MYO5A: variants seen among roughly 807,000 people sequenced by gnomAD.
The protein encoded by MYO5A is myosin VA.
Under a neutral mutation model 249.7 loss-of-function variants are expected in MYO5A, and 98 were observed. That is an observed-to-expected ratio of 0.39 (90% CI 0.33 to 0.46). The LOEUF is 0.46. MYO5A is among the 20% of genes least tolerant of loss of function. The pLI is 0.98. For missense variants in MYO5A, 1,696 were observed against 2,308.8 expected (o/e 0.73, Z 5.44); for synonymous variants, 778 against 810.6 (o/e 0.96, Z 0.68).
At chr15:52,519,848 G>C (rs1044251230) in intron 1 of MYO5A, among the ~76,000 whole-genome samples, 1 of 151,294 alleles carries the variant, frequency 6.6e-6, no homozygotes, top group Non-Finnish European at 1.5e-5. Flanking sequence ...CTCCTGCCTC[G>C]GCCTCCTGAG....
intron 29 of MYO5A, among the ~76,000 whole-genome samples, chr15:52,347,039 T>C (rs1375500580): frequency 1.3e-5 from 2 of 152,056 alleles, no homozygotes; most frequent in South Asian, 2.1e-4. Context: ...TCCTCTAGTA[T>C]AACATAACAT....
intron 1 of MYO5A, among the ~76,000 whole-genome samples, chr15:52,437,594 CAAAAAAAA>C (rs57299562): frequency 1.4e-4 from 10 of 73,910 alleles, no homozygotes; most frequent in African/African-American, 5.0e-4. Context: ...GACTCCATCT[CAAAAAAAA>C]AAAAAAAAAA....
At chr15:52,472,128 G>C (rs1033850405) in intron 1 of MYO5A, among the ~76,000 whole-genome samples, 1 of 151,164 alleles carries the variant, frequency 6.6e-6, no homozygotes, top group South Asian at 2.1e-4. Context: ...GCCCAGGCTG[G>C]AGTGCAGTGG....
At chr15:52,328,794 A>G (rs2038734049) in intron 35 of MYO5A, among the ~76,000 whole-genome samples, 1 of 151,818 alleles carries the variant, frequency 6.6e-6, no homozygotes, top group African/African-American at 2.4e-5. Context: ...ACTCCAGCTC[A>G]CTCTGCTCCA....
chr15:52,441,419 C>T (rs2075783784), intron 1 of MYO5A, among the ~76,000 whole-genome samples: 1 of 152,080 alleles, frequency 6.6e-6, no homozygotes, highest in South Asian at 2.1e-4. Flanking sequence ...ATAAGTAGAA[C>T]ACTACTTACG....
intron 4 of MYO5A, among the ~76,000 whole-genome samples, chr15:52,420,351 C>A (rs1219746997): frequency 3.3e-5 from 5 of 151,168 alleles, no homozygotes; most frequent in Non-Finnish European, 5.9e-5. Flanking sequence ...GCTCTGCCCT[C>A]ATGGATGGAT....
intron 23 of MYO5A, among the ~76,000 whole-genome samples, chr15:52,366,096 A>T (rs2040792615): frequency 6.6e-6 from 1 of 152,144 alleles, no homozygotes; most frequent in East Asian, 1.9e-4. Context: ...CACAGTTTTA[A>T]TGGGTATCTT....
At chr15:52,359,150 G>A (rs764398734) in intron 25 of MYO5A, among the ~76,000 whole-genome samples, 1 of 152,166 alleles carries the variant, frequency 6.6e-6, no homozygotes, top group Non-Finnish European at 1.5e-5. Context: ...TGAGATGGCA[G>A]AAACTTCATT....
chr15:52,373,954 AAAAT>A (rs10692704), intron 20 of MYO5A, among the ~76,000 whole-genome samples: 71,539 of 148,086 alleles, frequency 0.48, 20,575 homozygotes, highest in Non-Finnish European at 0.63. Flanking sequence ...ACTTCAAATA[AAAAT>A]AAATAAATAA....
At chr15:52,450,843 G>GTTTTTTGTTTTTTTTTTTTT (rs769982056) in intron 1 of MYO5A, among the ~76,000 whole-genome samples, 1 of 84,590 alleles carries the variant, frequency 1.2e-5, no homozygotes, top group African/African-American at 5.0e-5. Context: ...CACTACTGTG[G>GTTTTTTGTTTTTTTTTTTTT]TTTTTTTTTT....
chr15:52,424,377 C>G (rs926401541), intron 4 of MYO5A, among the ~76,000 whole-genome samples: 2 of 152,140 alleles, frequency 1.3e-5, no homozygotes, highest in African/African-American at 4.8e-5. Flanking sequence ...AAAAGTTACA[C>G]AACTTCTCTG....
intron 34 of MYO5A, among the ~76,000 whole-genome samples, chr15:52,332,622 T>C (rs2038941321): frequency 6.6e-6 from 1 of 152,190 alleles, no homozygotes; most frequent in Non-Finnish European, 1.5e-5. Context: ...AATTTAGATG[T>C]CAGTTCAACA....
At chr15:52,459,490 G>C (rs1268535533) in intron 1 of MYO5A, among the ~76,000 whole-genome samples, 1 of 152,098 alleles carries the variant, frequency 6.6e-6, no homozygotes. Flanking sequence ...TTGGCGGTAA[G>C]GTTATAGATT....
intron 34 of MYO5A, 40 bp downstream of exon 34, chr15:52,336,418 TCAAAC>T (rs1232657482): frequency 7.5e-7 from 1 of 1,329,226 alleles, no homozygotes; most frequent in Middle Eastern, 1.8e-4. Context: ...AAGCCAAGAC[TCAAAC>T]CAAGACTCAG....
chr15:52,528,611 G>A (rs2077767596), intron 1 of MYO5A, among the ~76,000 whole-genome samples, 169 bp downstream of exon 1: 1 of 152,238 alleles, frequency 6.6e-6, no homozygotes, highest in Non-Finnish European at 1.5e-5. Flanking sequence ...AAAGAGGAAG[G>A]TGCCGCAGCG....
chr15:52,409,847 GT>G (rs61066742), intron 6 of MYO5A, among the ~76,000 whole-genome samples: 73,030 of 151,766 alleles, frequency 0.48, 20,852 homozygotes, highest in Non-Finnish European at 0.63. Flanking sequence ...TGCATCAACT[GT>G]TTTTTTGATA....
chr15:52,336,291 T>C (rs1233233579), intron 34 of MYO5A, among the ~76,000 whole-genome samples, 172 bp downstream of exon 34: 7 of 152,180 alleles, frequency 4.6e-5, no homozygotes, highest in South Asian at 4.1e-4. Flanking sequence ...TTTTTCCTCA[T>C]TTAAAAATGT....
chr15:52,353,689 T>C, intron 26 of MYO5A, 31 bp from the exon 27 acceptor site: 3 of 1,600,376 alleles, frequency 1.9e-6, no homozygotes, highest in Non-Finnish European at 2.6e-6. Flanking sequence ...TATATTTTAA[T>C]TGTCACATTT....
In MYO5A at chr15:52,318,456, CA is replaced by C. The variant is rs35901511; in HGVS notation, c.5234+603del. Among the ~76,000 whole-genome samples, 208 of 87,520 alleles carry C rather than the reference CA, an allele frequency of 2.4e-3. 1 individual carries two copies. Among genetic ancestry groups the C allele is most frequent in the South Asian group, 7.0e-3 (16 of 2,284 alleles). 57.4% of individuals were successfully genotyped at this position (87,520 alleles called of 152,430 possible). On this transcript the variant is annotated intron_variant, in intron 39 of 41. Transcript: ENST00000399233. ...GGGCAACAAGAGCAAAACTCCATCT[CA>C]AAAAAAAAAAAAAAAAAAAAAATTT...
Sources: gnomAD v4.1 joint callset for allele counts (sites outside exome capture counted in the v4.1 genomes callset) on GRCh38, gnomAD v4.1.1 for gene constraint, MANE v1.5 for transcripts, NCBI Gene and HGNC (gene_info 2026-07-23, HGNC 2026-07-21) for gene names.